PIK3C3: variants seen among roughly 807,000 people sequenced by gnomAD.
PIK3C3 encodes phosphatidylinositol 3-kinase catalytic subunit type 3, also known as PI3-kinase type 3.
Under a neutral mutation model 126.1 loss-of-function variants are expected in PIK3C3, and 95 were observed. The ratio of observed to expected loss-of-function variants is 0.75; its 90% CI spans 0.64 to 0.89. The LOEUF (loss-of-function observed/expected upper bound fraction) is 0.89, where lower values mean the gene tolerates loss of function less well. PIK3C3 is among the 40% of genes least tolerant of loss of function. The pLI is 0.00. For missense variants in PIK3C3, 829 were observed against 1,063.2 expected, an observed-to-expected ratio of 0.78 and a Z score of 3.06; for synonymous variants, 374 against 360.0, an observed-to-expected ratio of 1.04 and a Z score of -0.44.
At chr18:41,994,925 C>T (rs1981955384) in intron 7 of PIK3C3, among the ~76,000 whole-genome samples, 1 of 152,016 alleles carries the variant, frequency 6.6e-6, no homozygotes. Context: ...GTAGTCCCAG[C>T]TACTTGGGAG....
At chr18:41,989,940 A>G (rs1299987984) in intron 5 of PIK3C3, among the ~76,000 whole-genome samples, 1 of 152,178 alleles carries the variant, frequency 6.6e-6, no homozygotes, top group Admixed American at 6.5e-5. Flanking sequence ...AAATCATTTT[A>G]AGACCATTTA....
Position 41,957,459 on chromosome 18 carries a change from T to TAA in PIK3C3, c.69-110_69-109insAA, listed in dbSNP as rs1481512987. ...ACACAAAGGTAAACTTTTTAGTACT[T>TAA]ATGCATATATGTACATGCTTAAAGC... is the stretch of plus-strand genomic sequence containing the variant. On this transcript the variant is annotated intron_variant, in intron 1 of 24. Coordinates refer to ENST00000262039, the MANE Select transcript of PIK3C3 (RefSeq NM_002647.4). 16 of 1,003,984 alleles carry TAA rather than the reference T, an allele frequency of 1.6e-5. 1 individual carries two copies. In the Middle Eastern group the frequency reaches 8.7e-4, roughly 54 times the overall value. 62.2% of individuals were successfully genotyped at this position (1,003,984 alleles called of 1,614,324 possible).
chr18:41,966,789 ACT>A (rs1161756342), intron 3 of PIK3C3, among the ~76,000 whole-genome samples: 1 of 152,164 alleles, frequency 6.6e-6, no homozygotes, highest in African/African-American at 2.4e-5. Context: ...TATTCAGCTC[ACT>A]CTCAGATTAA....
intron 21 of PIK3C3, among the ~76,000 whole-genome samples, chr18:42,051,602 A>G (rs977879905): frequency 2.0e-5 from 3 of 152,120 alleles, no homozygotes; most frequent in Admixed American, 6.6e-5. Context: ...AAGCCAGTCA[A>G]TCTCCTTAAT....
Position 42,085,407 on chromosome 18 carries a change from A to C in PIK3C3, c.*4270A>C, listed in dbSNP as rs1024010902. On this transcript the variant is annotated 3_prime_UTR_variant, in exon 25 of 25. Transcript: ENST00000262039. ...TAGTCTAGAAAAAAATTTAGGAAAAATTGCCATGAAATCATGAGCTAAGTC... is the reference window on the plus strand; with the variant it reads ...TAGTCTAGAAAAAAATTTAGGAAAACTTGCCATGAAATCATGAGCTAAGTC... The C allele has an allele frequency of 3.9e-5, 6 of 152,196 alleles. No individual in the cohort carries two copies. Among genetic ancestry groups the C allele is most frequent in the African/African-American group, 1.4e-4 (6 of 41,460 alleles). 9.4% of individuals were successfully genotyped at this position (152,196 alleles called of 1,614,324 possible).
At chr18:41,957,539 G>A in intron 1 of PIK3C3, 31 bp from the exon 2 acceptor site, 2 of 1,594,904 alleles carry the variant, frequency 1.3e-6, no homozygotes, top group South Asian at 1.1e-5. Flanking sequence ...AAAAATTCAT[G>A]TCTGAAACAT....
chr18:42,049,505 C>T, intron 20 of PIK3C3, 26 bp from the exon 21 acceptor site: 1 of 1,582,638 alleles, frequency 6.3e-7, no homozygotes, highest in African/African-American at 1.3e-5. Context: ...TTTGTTTTCA[C>T]ATATTTTTTT....
At chr18:42,037,226 C>G (rs895468384) in intron 16 of PIK3C3, among the ~76,000 whole-genome samples, 2 of 152,130 alleles carry the variant, frequency 1.3e-5, no homozygotes, top group Non-Finnish European at 2.9e-5. Context: ...TTATGTTGTA[C>G]TGTTTCACCT....
rs1986379955 is a variant in PIK3C3 at position 42,085,478 on chromosome 18, A to G, written c.*4341A>G. On this transcript the variant is annotated 3_prime_UTR_variant, in exon 25 of 25. Transcript: ENST00000262039. ...TAATTTTGAGACTAGTATTTCATAC[A>G]GAAAAAGCTAATACTGATATCACAC... 6.6e-6 allele frequency: 1 copy of G among 152,206 alleles called. No individual in the cohort carries two copies. Among genetic ancestry groups the G allele is most frequent in the Admixed American group, 6.5e-5 (1 of 15,272 alleles). The allele number at this position is 152,206 out of a possible 1,614,324, so 9.4% of individuals were successfully genotyped here. A position where few individuals can be genotyped will look rare whatever the true frequency, so the allele number is the denominator to read the frequency against.
At chr18:42,043,221 C>T (rs551497312) in intron 19 of PIK3C3, among the ~76,000 whole-genome samples, 2 of 151,912 alleles carry the variant, frequency 1.3e-5, no homozygotes, top group African/African-American at 4.8e-5. Context: ...GCCTCAGCCT[C>T]CCGAGCAGCT....
chr18:41,993,401 C>A, intron 7 of PIK3C3, 60 bp downstream of exon 7: 1 of 1,051,704 alleles, frequency 9.5e-7, no homozygotes, highest in Non-Finnish European at 1.5e-6. Context: ...TGTGAGTTAG[C>A]CACATCATGT....
chr18:42,025,983 A>C (rs1471725957), intron 13 of PIK3C3: 6 of 152,232 alleles, frequency 3.9e-5, no homozygotes, highest in African/African-American at 1.4e-4. Flanking sequence ...GAATGGCTGA[A>C]TACAGAGTAT....
intron 4 of PIK3C3, chr18:41,970,789 A>G (rs751037170): frequency 9.0e-5 from 41 of 453,610 alleles, no homozygotes; most frequent in Middle Eastern, 5.9e-4. Flanking sequence ...TCTACTTACT[A>G]TCTGTATGGA....
At chr18:42,076,125 CATATATAT>C (rs1170833789) in intron 24 of PIK3C3, among the ~76,000 whole-genome samples, 1 of 47,716 alleles carries the variant, frequency 2.1e-5, no homozygotes, top group Non-Finnish European at 3.4e-5. Flanking sequence ...TATATATGCG[CATATATAT>C]ATATATATAT....
At chr18:42,079,996 AGAGT>A (rs1195158455) in intron 24 of PIK3C3, among the ~76,000 whole-genome samples, 5 of 135,620 alleles carry the variant, frequency 3.7e-5, no homozygotes, top group African/African-American at 9.3e-5. Flanking sequence ...TGTAAGAGAG[AGAGT>A]GTGTGTGTGT....
intron 2 of PIK3C3, among the ~76,000 whole-genome samples, chr18:41,959,806 T>C (rs181878127): frequency 2.6e-5 from 4 of 152,124 alleles, no homozygotes; most frequent in Non-Finnish European, 4.4e-5. Flanking sequence ...AAAAAAAGAA[T>C]AGTCTTTAGG....
chr18:42,009,575 C>G (rs761753001), intron 10 of PIK3C3, among the ~76,000 whole-genome samples: 6 of 151,556 alleles, frequency 4.0e-5, no homozygotes, highest in Admixed American at 6.6e-5. Flanking sequence ...ATACTGTAGT[C>G]TAAGTATGTA....
rs1402703354 is a variant in PIK3C3, at chr18:42,054,162, A to C, written c.2264-3721A>C. 5.8e-3 allele frequency among the ~76,000 whole-genome samples: 269 copies of C among 46,548 alleles called. 7 individuals are homozygous for C. Among genetic ancestry groups the C allele is most frequent in the South Asian group, 0.012 (23 of 1,898 alleles). The allele number at this position is 46,548 out of a possible 152,430, so 30.5% of individuals were successfully genotyped here. A position where few individuals can be genotyped will look rare whatever the true frequency, so the allele number is the denominator to read the frequency against. On this transcript the variant is annotated intron_variant, in intron 21 of 24. Coordinates refer to ENST00000262039, the MANE Select transcript of PIK3C3 (RefSeq NM_002647.4). ...TATATATATATATATATATATATAT[A>C]TATATATATATATATATATATATAT... is the stretch of plus-strand genomic sequence containing the variant.
chr18:41,978,844 G>A (rs1981056651), intron 4 of PIK3C3, among the ~76,000 whole-genome samples: 1 of 152,008 alleles, frequency 6.6e-6, no homozygotes, highest in African/African-American at 2.4e-5. Flanking sequence ...TTTACATGAT[G>A]AATGAATATT....
Sources: gnomAD v4.1 joint callset for allele counts (sites outside exome capture counted in the v4.1 genomes callset) on GRCh38, gnomAD v4.1.1 for gene constraint, MANE v1.5 for transcripts, NCBI Gene and HGNC (gene_info 2026-07-23, HGNC 2026-07-21) for gene names.